The following RCN3 variants were observed in gnomAD, a reference collection of about 807,000 sequenced individuals.
RCN3 encodes the protein reticulocalbin-3.
In RCN3, 41 loss-of-function variants were observed where a neutral mutation model predicts 35.9. The observed-to-expected ratio is 1.14, with a 90% CI of 0.89 to 1.48. RCN3 has a LOEUF of 1.48. Among genes scored for constraint, RCN3 ranks in the 40% most tolerant of loss-of-function variants. The pLI, the probability that RCN3 is intolerant of heterozygous loss-of-function variation, is 0.00. For synonymous variants in RCN3, 187 were observed against 193.4 expected (o/e 0.97, Z 0.27); for missense variants, 451 against 471.3 (o/e 0.96, Z 0.40).
Position 49,542,617 on chromosome 19 carries a change from G to A in RCN3, c.744G>A (p.Gln248=), listed in dbSNP as rs1378105788. 1.9e-6 allele frequency: 3 copies of A among 1,608,992 alleles called. No homozygotes were observed. Among genetic ancestry groups the A allele is most frequent in the African/African-American group, 2.7e-5 (2 of 74,904 alleles). The stretch of plus-strand genomic sequence containing the variant: ...CGTGGGTGCAGACGGAGAGGCAGCA[G>A]TTCCGGGACTTCCGGGATCTGAACA... The part of the protein sequence containing the change: ...EPAWVQTERQ[Q]FRDFRDLNKD... The change falls in exon 6 of 7, where the codon CAG becomes CAA. Residue 248 remains glutamine (Q), a synonymous_variant. Transcript: ENST00000270645.
At chr19:49,536,499 C>G (rs2080136119) in intron 3 of RCN3, among the ~76,000 whole-genome samples, 1 of 151,084 alleles carries the variant, frequency 6.6e-6, no homozygotes, top group South Asian at 2.1e-4. Context: ...AGGAGTTTCA[C>G]CATGTTGACC....
chr19:49,532,488 G>A lies in RCN3; in HGVS notation c.243-1705G>A, dbSNP rs574801483. On this transcript the variant is annotated intron_variant, in intron 2 of 6. Coordinates refer to ENST00000270645, the MANE Select transcript of RCN3 (RefSeq NM_020650.3). ...CCTCCTGGGTTCAAGCAATTCTCCT[G>A]CCTCAGCCTCCCGAGTAGTGGATAT... Among the ~76,000 whole-genome samples, 233 of 151,758 alleles carry A rather than the reference G, an allele frequency of 1.5e-3. 1 individual carries two copies. The highest frequency in any genetic ancestry group is 5.4e-3 in the African/African-American group (225 of 41,350).
In RCN3 at chr19:49,538,996, T is replaced by C. The variant is rs576982710; in HGVS notation, c.619-123T>C. On this transcript the variant is annotated intron_variant, in intron 4 of 6. Coordinates refer to ENST00000270645, the MANE Select transcript of RCN3 (RefSeq NM_020650.3). ...CACCTGTTGAGACTGCTCTACTGCCTGCCTCCCACAGCTGCCCGGAGCTAA... is the reference window on the plus strand; with the variant it reads ...CACCTGTTGAGACTGCTCTACTGCCCGCCTCCCACAGCTGCCCGGAGCTAA... The C allele has an allele frequency of 9.2e-5, 57 of 622,846 alleles. No individual in the cohort carries two copies. In the East Asian group the frequency reaches 1.6e-3, roughly 18 times the overall value. 38.6% of individuals were successfully genotyped at this position (622,846 alleles called of 1,614,324 possible).
Position 49,543,465 on chromosome 19 carries a change from A to G in RCN3, c.*252A>G, listed in dbSNP as rs2122746972. The G allele has an allele frequency of 1.9e-6, 1 of 521,488 alleles. No individual in the cohort carries two copies. The highest frequency in any genetic ancestry group is 3.5e-6 in the Non-Finnish European group (1 of 287,830). The allele number at this position is 521,488 out of a possible 1,614,324, so 32.3% of individuals were successfully genotyped here. On this transcript the variant is annotated 3_prime_UTR_variant, in exon 7 of 7. Coordinates refer to ENST00000270645, the MANE Select transcript of RCN3 (RefSeq NM_020650.3). ...TGACTGAGTCTCCCAGCCCAGACCC[A>G]GGGACCCTTGGCCCCAAGCTCAGCT...
chr19:49,528,691 A>G lies in RCN3; in HGVS notation c.219A>G (p.Pro73=). 1 of 1,601,646 alleles carries G rather than the reference A, an allele frequency of 6.2e-7. No individual in the cohort carries two copies. The highest frequency in any genetic ancestry group is 8.5e-7 in the Non-Finnish European group (1 of 1,173,826). Residue 73 remains proline (P), a synonymous_variant, in exon 2 of 7, where the codon CCA becomes CCG. Transcript: ENST00000270645. The part of the protein sequence containing the change: ...EVAKEFDQLT[P]EESQARLGRI... ...CCAAGGAATTCGACCAACTCACCCCAGAGGAAAGCCAGGCCCGTCTGGGGT... is the reference window on the plus strand; with the variant it reads ...CCAAGGAATTCGACCAACTCACCCCGGAGGAAAGCCAGGCCCGTCTGGGGT...
chr19:49,537,866 G>A (rs985906741), intron 4 of RCN3, among the ~76,000 whole-genome samples: 2 of 150,232 alleles, frequency 1.3e-5, no homozygotes, highest in Admixed American at 1.3e-4. Context: ...CTTGAACTCC[G>A]GACCTCAGGT....
intron 5 of RCN3, among the ~76,000 whole-genome samples, chr19:49,541,894 C>T (rs1486335069): frequency 1.3e-5 from 2 of 151,778 alleles, no homozygotes; most frequent in African/African-American, 2.4e-5. Context: ...GCAGGAGAAT[C>T]GCTTGAACCT....
At chr19:49,534,116 C>T in intron 2 of RCN3, 77 bp from the exon 3 acceptor site, 2 of 1,327,482 alleles carry the variant, frequency 1.5e-6, no homozygotes, top group South Asian at 1.5e-5. Context: ...CGAAGTGTCC[C>T]AGGGGGCGTG....
At chr19:49,533,765 G>T (rs2080120366) in intron 2 of RCN3, among the ~76,000 whole-genome samples, 1 of 152,092 alleles carries the variant, frequency 6.6e-6, no homozygotes, top group South Asian at 2.1e-4. Context: ...TGTGGCCGTG[G>T]CTGTCTGGGT....
intron 2 of RCN3, among the ~76,000 whole-genome samples, chr19:49,532,956 G>A (rs981084257): frequency 1.1e-4 from 17 of 152,344 alleles, no homozygotes; most frequent in East Asian, 1.9e-4. Flanking sequence ...GATTACAGGC[G>A]TGAGCCACCG....
chr19:49,537,892 G>A (rs1601216084), intron 4 of RCN3, among the ~76,000 whole-genome samples: 2 of 152,036 alleles, frequency 1.3e-5, no homozygotes, highest in East Asian at 3.9e-4. Flanking sequence ...GCCCACCTTG[G>A]CCTCCCAAAG....
At chr19:49,540,839 C>T (rs988634550) in intron 5 of RCN3, among the ~76,000 whole-genome samples, 9 of 151,848 alleles carry the variant, frequency 5.9e-5, no homozygotes, top group African/African-American at 1.9e-4. Context: ...CTGGATAGAG[C>T]CCAGAGATGC....
chr19:49,531,429 G>T (rs2080107711), intron 2 of RCN3, among the ~76,000 whole-genome samples: 1 of 152,218 alleles, frequency 6.6e-6, no homozygotes, highest in Non-Finnish European at 1.5e-5. Context: ...ATCATGCAAT[G>T]CAAAGCCTTT....
At chr19:49,528,759 G>A (rs1555810769) in intron 2 of RCN3, 45 bp downstream of exon 2, 1 of 1,485,310 alleles carries the variant, frequency 6.7e-7, no homozygotes, top group South Asian at 1.4e-5. Context: ...GTGGGGCTTA[G>A]GAGAGAGACG....
chr19:49,538,232 G>A (rs1011151973), intron 4 of RCN3, among the ~76,000 whole-genome samples: 106 of 147,422 alleles, frequency 7.2e-4, no homozygotes, highest in African/African-American at 2.3e-3. Flanking sequence ...ATGCGATCTC[G>A]GCTCACTGCA....
chr19:49,534,428 A>G (rs1020971378), intron 3 of RCN3, 33 bp downstream of exon 3: 2 of 1,531,574 alleles, frequency 1.3e-6, no homozygotes, highest in Admixed American at 4.0e-5. Context: ...TGCTCCCCAT[A>G]CACCGTGACC....
rs1275732522 is a variant in RCN3, at chr19:49,542,601, A to G, written c.728A>G (p.Gln243Arg). The G allele has an allele frequency of 1.2e-6, 2 of 1,609,724 alleles. No homozygotes were observed. Among genetic ancestry groups the G allele is most frequent in the Non-Finnish European group, 1.7e-6 (2 of 1,178,472 alleles). ...EPGEEEPAWV[Q>R]TERQQFRDFR... ...GGGGAGGAGGAGCCGGCGTGGGTGC[A>G]GACGGAGAGGCAGCAGTTCCGGGAC... is the stretch of plus-strand genomic sequence containing the variant. Residue 243 changes from glutamine (Q) to arginine (R), a missense_variant, in exon 6 of 7, where the codon CAG (glutamine) becomes CGG (arginine). Transcript: ENST00000270645.
At chr19:49,528,245 C>A in intron 1 of RCN3, 187 bp downstream of exon 1, 1 of 472,448 alleles carries the variant, frequency 2.1e-6, no homozygotes, top group Non-Finnish European at 3.7e-6. Context: ...TGGGACCCCC[C>A]TGAGACTCCG....
At chr19:49,538,191 C>A (rs1004478771) in intron 4 of RCN3, among the ~76,000 whole-genome samples, 5 of 145,984 alleles carry the variant, frequency 3.4e-5, no homozygotes, top group African/African-American at 1.3e-4. Context: ...CAGACGGAGT[C>A]TCGCTCTGTC....
Sources: allele counts gnomAD v4.1 joint callset (sites outside exome capture counted in the v4.1 genomes callset), GRCh38; gene constraint gnomAD v4.1.1; transcripts MANE v1.5; gene names NCBI Gene and HGNC (gene_info 2026-07-23, HGNC 2026-07-21).